The following SKAP1 variants were observed in gnomAD, a reference collection of about 807,000 sequenced individuals.
SKAP1 encodes src kinase-associated phosphoprotein 1.
SKAP1 carries 44 observed loss-of-function variants against 58.5 expected under a neutral mutation model. The ratio of observed to expected loss-of-function variants is 0.75; its 90% CI spans 0.59 to 0.97. SKAP1 has a LOEUF of 0.97. Ranked by LOEUF, SKAP1 falls within the 50% of genes least tolerant of loss-of-function variation. The probability of loss-of-function intolerance (pLI) is 0.00; values close to 1 mark genes in which losing one functional copy is unlikely to be tolerated. For synonymous variants in SKAP1, 127 were observed against 149.7 expected, an observed-to-expected ratio of 0.85 and a Z score of 1.11; for missense variants, 390 against 435.2, an observed-to-expected ratio of 0.90 and a Z score of 0.92.
At chr17:48,397,240 G>A (rs2011795) in intron 1 of SKAP1, among the ~76,000 whole-genome samples, 7 of 151,808 alleles carry the variant, frequency 4.6e-5, no homozygotes, top group Non-Finnish European at 5.9e-5. Context: ...TTTCTTTTAG[G>A]GGGGGGATGG....
chr17:48,295,194 C>T (rs561407753), intron 4 of SKAP1, among the ~76,000 whole-genome samples: 2 of 152,256 alleles, frequency 1.3e-5, no homozygotes, highest in South Asian at 2.1e-4. Context: ...AAGTTGACTT[C>T]AATCGGGCAA....
intron 4 of SKAP1, among the ~76,000 whole-genome samples, chr17:48,276,417 T>G (rs1366895476): frequency 6.6e-6 from 1 of 152,254 alleles, no homozygotes; most frequent in Non-Finnish European, 1.5e-5. Context: ...TATATCTTAA[T>G]GATTATGGTT....
At chr17:48,321,311 A>T (rs1217415907) in intron 4 of SKAP1, among the ~76,000 whole-genome samples, 5 of 151,106 alleles carry the variant, frequency 3.3e-5, no homozygotes, top group African/African-American at 1.2e-4. Flanking sequence ...ACAATATTCC[A>T]CAATGATCTT....
intron 4 of SKAP1, among the ~76,000 whole-genome samples, chr17:48,301,850 C>T (rs2066061485): frequency 1.3e-5 from 2 of 152,126 alleles, no homozygotes. Flanking sequence ...AGGAACCTTG[C>T]AGTAGTCTCA....
chr17:48,239,415 C>T (rs1367026242), intron 4 of SKAP1, among the ~76,000 whole-genome samples: 1 of 152,176 alleles, frequency 6.6e-6, no homozygotes, highest in African/African-American at 2.4e-5. Flanking sequence ...ATCACATTCA[C>T]AGCATGAAGT....
the SKAP1 span, among the ~76,000 whole-genome samples, chr17:48,441,315 T>C: frequency 6.6e-6 from 1 of 152,174 alleles, no homozygotes; most frequent in Admixed American, 6.5e-5. Flanking sequence ...CCTGAGGGAC[T>C]AGCCTGGATG....
At chr17:48,167,974 G>A (rs1016641314) in intron 10 of SKAP1, among the ~76,000 whole-genome samples, 1 of 152,160 alleles carries the variant, frequency 6.6e-6, no homozygotes, top group African/African-American at 2.4e-5. Flanking sequence ...GTGTTGAAGA[G>A]TCACTCATTA....
intron 11 of SKAP1, chr17:48,156,647 G>A (rs978295907): frequency 5.1e-5 from 13 of 254,552 alleles, no homozygotes; most frequent in African/African-American, 9.2e-5. Context: ...GACCCAAATT[G>A]GAACTCAGTG....
At chr17:48,151,226 C>A (rs2063899498) in intron 11 of SKAP1, among the ~76,000 whole-genome samples, 1 of 152,076 alleles carries the variant, frequency 6.6e-6, no homozygotes, top group Admixed American at 6.6e-5. Context: ...GTGACAGCTA[C>A]CCCAGGACAT....
At chr17:48,268,804 T>A (rs1356996064) in intron 4 of SKAP1, among the ~76,000 whole-genome samples, 1 of 152,110 alleles carries the variant, frequency 6.6e-6, no homozygotes, top group Non-Finnish European at 1.5e-5. Flanking sequence ...AAGTTAATTT[T>A]TAACCGTAAT....
At chr17:48,438,891 T>G in the SKAP1 span, among the ~76,000 whole-genome samples, 1 of 152,048 alleles carries the variant, frequency 6.6e-6, no homozygotes, top group African/African-American at 2.4e-5. Context: ...GGAGGGTTGA[T>G]GGCCTAGAGA....
At position 48,329,569 on chromosome 17, in the gene SKAP1, T is replaced by C. The variant is rs1192834554; in HGVS notation, c.280+16336A>G. Reference sequence around the variant, plus strand: ...AAAAAATACAAAAATTAGCCGGGCGTGGCGGCAGGCGCCTGTAATCCCAGC... The same window carrying C: ...AAAAAATACAAAAATTAGCCGGGCGCGGCGGCAGGCGCCTGTAATCCCAGC... On this transcript the variant is annotated intron_variant, in intron 4 of 12. Coordinates refer to ENST00000336915, the MANE Select transcript of SKAP1 (RefSeq NM_003726.4). Among the ~76,000 whole-genome samples, 6 of 152,232 alleles carry C rather than the reference T, an allele frequency of 3.9e-5. No individual in the cohort carries two copies. The East Asian group carries it at 1.2e-3, about 29-fold the overall frequency.
chr17:48,404,055 C>T (rs1256130688), intron 1 of SKAP1, among the ~76,000 whole-genome samples: 1 of 148,246 alleles, frequency 6.7e-6, no homozygotes, highest in Non-Finnish European at 1.5e-5. Context: ...CGCCACTGCA[C>T]TCCAGCCTGG....
intron 2 of SKAP1, among the ~76,000 whole-genome samples, chr17:48,389,650 T>G (rs2067321709): frequency 6.6e-6 from 1 of 152,186 alleles, no homozygotes; most frequent in African/African-American, 2.4e-5. Context: ...TTGCTGAGTG[T>G]GATAAGCAGG....
intron 2 of SKAP1, among the ~76,000 whole-genome samples, chr17:48,381,425 G>T (rs2067213430): frequency 6.6e-6 from 1 of 152,138 alleles, no homozygotes; most frequent in East Asian, 1.9e-4. Context: ...TGCATGCAAT[G>T]TGTCTTACCA....
At chr17:48,312,715 C>T (rs2144184654) in intron 4 of SKAP1, among the ~76,000 whole-genome samples, 1 of 152,284 alleles carries the variant, frequency 6.6e-6, no homozygotes, top group South Asian at 2.1e-4. Flanking sequence ...AAACTGAATT[C>T]AGGAAAAGAG....
intron 1 of SKAP1, among the ~76,000 whole-genome samples, chr17:48,405,463 T>TTTCC (rs1429191841): frequency 1.6e-5 from 2 of 125,676 alleles, no homozygotes; most frequent in Non-Finnish European, 3.4e-5. Context: ...TCTTTCTTTC[T>TTTCC]TTCCTTCCTT....
At chr17:48,352,213 C>G (rs1005330990) in intron 3 of SKAP1, among the ~76,000 whole-genome samples, 8 of 152,006 alleles carry the variant, frequency 5.3e-5, no homozygotes, top group Admixed American at 2.0e-4. Flanking sequence ...GGGCTGGCAG[C>G]AACAAATATA....
intron 4 of SKAP1, among the ~76,000 whole-genome samples, chr17:48,198,417 T>G (rs1054270526): frequency 1.7e-5 from 2 of 118,714 alleles, no homozygotes; most frequent in Non-Finnish European, 3.2e-5. Context: ...ATGGCGCCAC[T>G]GCACTCCAAC....
Sources: allele counts gnomAD v4.1 joint callset (sites outside exome capture counted in the v4.1 genomes callset), GRCh38; gene constraint gnomAD v4.1.1; transcripts MANE v1.5; gene names NCBI Gene and HGNC (gene_info 2026-07-23, HGNC 2026-07-21).